DOCK3: variants seen among roughly 807,000 people sequenced by gnomAD.
The protein encoded by DOCK3 is dedicator of cytokinesis protein 3.
Under a neutral mutation model 265.6 loss-of-function variants are expected in DOCK3, and 60 were observed. The observed-to-expected ratio is 0.23, with a 90% CI of 0.18 to 0.28. The LOEUF is 0.28. Among genes scored for constraint, DOCK3 ranks in the 10% least tolerant of loss-of-function variants. DOCK3 has a pLI of 1.00. For synonymous variants in DOCK3, 881 were observed against 938.0 expected (o/e 0.94, Z 1.11); for missense variants, 1,981 against 2,594.3 (o/e 0.76, Z 5.14).
chr3:51,038,159 G>A (rs897261947), intron 5 of DOCK3, among the ~76,000 whole-genome samples: 1 of 152,102 alleles, frequency 6.6e-6, no homozygotes, highest in African/African-American at 2.4e-5. Flanking sequence ...TTACTGAAAG[G>A]GAGCCCTATT....
intron 12 of DOCK3, among the ~76,000 whole-genome samples, chr3:51,190,248 T>C (rs1240102673): frequency 6.6e-6 from 1 of 152,180 alleles, no homozygotes; most frequent in Admixed American, 6.5e-5. Context: ...GCTACTGCTC[T>C]CTGGGTCTAG....
rs774201179 is a variant in DOCK3, at chr3:51,237,606, T to C, written c.2102+16T>C. The C allele has an allele frequency of 5.6e-6, 9 of 1,603,518 alleles. No homozygotes were observed. Among genetic ancestry groups the C allele is most frequent in the Non-Finnish European group, 6.8e-6 (8 of 1,172,230 alleles). On this transcript the variant is annotated intron_variant, in intron 21 of 52. Transcript: ENST00000266037. ...TGGCATACAAGTAAGTTCCATTTGG[T>C]ATCATCATTAGGACTCGTGTTTGAG... is the stretch of plus-strand genomic sequence containing the variant.
chr3:51,280,242 G>A lies in DOCK3; in HGVS notation c.2922+38G>A, dbSNP rs373847392. Reference sequence around the variant, plus strand: ...ACACCTTTCCTCTGGGAGAGGAAGTGTGCAGCCAGCACTCCCCAGGGGCTT... The same window carrying A: ...ACACCTTTCCTCTGGGAGAGGAAGTATGCAGCCAGCACTCCCCAGGGGCTT... On this transcript the variant is annotated intron_variant, in intron 27 of 52. Coordinates refer to ENST00000266037, the MANE Select transcript of DOCK3 (RefSeq NM_004947.5). 2,794 of 1,588,626 alleles carry A rather than the reference G, an allele frequency of 1.8e-3. 12 individuals carry two copies. Among genetic ancestry groups the A allele is most frequent in the Middle Eastern group, 0.018 (105 of 6,000 alleles).
intron 23 of DOCK3, among the ~76,000 whole-genome samples, chr3:51,269,484 A>G (rs2080383025): frequency 6.6e-6 from 1 of 152,148 alleles, no homozygotes; most frequent in East Asian, 1.9e-4. Flanking sequence ...ATAAATCTGC[A>G]GATAGAATTC....
At chr3:51,244,460 T>C (rs577739014) in intron 21 of DOCK3, among the ~76,000 whole-genome samples, 1 of 152,338 alleles carries the variant, frequency 6.6e-6, no homozygotes, top group Non-Finnish European at 1.5e-5. Flanking sequence ...TAAATGGAAT[T>C]GTCTTAATTT....
intron 5 of DOCK3, among the ~76,000 whole-genome samples, chr3:50,980,570 A>G (rs1372493547): frequency 6.6e-6 from 1 of 152,176 alleles, no homozygotes; most frequent in Non-Finnish European, 1.5e-5. Flanking sequence ...AGAGTTCAAC[A>G]ATAAAGCCAT....
chr3:51,248,255 A>G (rs977441240), intron 22 of DOCK3, among the ~76,000 whole-genome samples: 3 of 152,224 alleles, frequency 2.0e-5, no homozygotes, highest in African/African-American at 7.2e-5. Context: ...AAAAAACAAA[A>G]CAGGACAGAG....
At chr3:50,810,308 T>C (rs935637138) in intron 2 of DOCK3, among the ~76,000 whole-genome samples, 1 of 152,124 alleles carries the variant, frequency 6.6e-6, no homozygotes, top group Admixed American at 6.5e-5. Context: ...CCTAGCACTT[T>C]GGGAGACCGA....
At chr3:50,886,502 C>T (rs1190901976) in intron 3 of DOCK3, among the ~76,000 whole-genome samples, 2 of 151,530 alleles carry the variant, frequency 1.3e-5, no homozygotes, top group African/African-American at 4.8e-5. Flanking sequence ...TGGTGCGCTG[C>T]ACCCACTAAC....
chr3:51,218,160 A>G (rs1440198172), intron 14 of DOCK3, among the ~76,000 whole-genome samples: 1 of 151,992 alleles, frequency 6.6e-6, no homozygotes, highest in East Asian at 1.9e-4. Flanking sequence ...TCGGTCAGGC[A>G]CAGTGGCTCA....
intron 21 of DOCK3, among the ~76,000 whole-genome samples, chr3:51,245,388 TTC>T (rs1326128444): frequency 2.5e-5 from 3 of 118,498 alleles, no homozygotes; most frequent in Non-Finnish European, 5.1e-5. Context: ...ACCATTTTCT[TTC>T]TTTTTTTTTT....
At position 51,371,997 on chromosome 3, in the gene DOCK3, T is replaced by C. The variant is rs567445575; in HGVS notation, c.5294-2472T>C. Among the ~76,000 whole-genome samples the C allele has an allele frequency of 2.8e-4, 42 of 152,108 alleles. No homozygotes were observed. In the East Asian group the frequency reaches 3.1e-3, roughly 11 times the overall value. On this transcript the variant is annotated intron_variant, in intron 49 of 52. Coordinates refer to ENST00000266037, the MANE Select transcript of DOCK3 (RefSeq NM_004947.5). Reference sequence around the variant, plus strand: ...TTGGTCTAAAGGTGCTGTGTGTTTTTCGGTGCATACTGAACAGAGAGTAGT... The same window carrying C: ...TTGGTCTAAAGGTGCTGTGTGTTTTCCGGTGCATACTGAACAGAGAGTAGT...
At chr3:50,787,872 C>G (rs6446220) in intron 2 of DOCK3, 852,763 of 1,059,104 alleles carry the variant, frequency 0.81, 348,490 homozygotes, top group South Asian at 0.86. Context: ...GAAGAGGTAC[C>G]CTTTTCCCCT....
chr3:51,170,217 A>G (rs2086607650), intron 12 of DOCK3, among the ~76,000 whole-genome samples: 1 of 152,210 alleles, frequency 6.6e-6, no homozygotes, highest in Non-Finnish European at 1.5e-5. Flanking sequence ...CTCAACCTAT[A>G]GTCTTTTTAT....
At chr3:51,119,431 C>T (rs555154240) in intron 9 of DOCK3, among the ~76,000 whole-genome samples, 85 of 152,240 alleles carry the variant, frequency 5.6e-4, no homozygotes, top group Non-Finnish European at 1.1e-3. Context: ...GTGAATCTGA[C>T]GATTGTGTGT....
At chr3:50,956,062 AT>A (rs34398167) in intron 5 of DOCK3, among the ~76,000 whole-genome samples, 21,244 of 141,640 alleles carry the variant, frequency 0.15, 1,595 homozygotes, top group African/African-American at 0.2. Flanking sequence ...TGTGTGCCAC[AT>A]TTTTTTTTTT....
At chr3:50,760,766 T>C (rs2040477343) in intron 1 of DOCK3, among the ~76,000 whole-genome samples, 1 of 152,184 alleles carries the variant, frequency 6.6e-6, no homozygotes. Flanking sequence ...CTACCTCTAA[T>C]AGTTTAATGT....
At chr3:50,814,246 AAAGG>A (rs776995492) in intron 2 of DOCK3, among the ~76,000 whole-genome samples, 5 of 152,166 alleles carry the variant, frequency 3.3e-5, no homozygotes, top group Non-Finnish European at 7.3e-5. Context: ...AAAATTATTA[AAAGG>A]AAGAAATTAA....
At chr3:50,810,353 C>A (rs1008854553) in intron 2 of DOCK3, among the ~76,000 whole-genome samples, 5 of 151,974 alleles carry the variant, frequency 3.3e-5, no homozygotes, top group Non-Finnish European at 7.4e-5. Context: ...GAGTTTGAGA[C>A]CAGCCTGGCC....
Sources: allele counts gnomAD v4.1 joint callset (sites outside exome capture counted in the v4.1 genomes callset), GRCh38; gene constraint gnomAD v4.1.1; transcripts MANE v1.5; gene names NCBI Gene and HGNC (gene_info 2026-07-23, HGNC 2026-07-21).